The following CPQ variants were observed in gnomAD, a reference collection of about 807,000 sequenced individuals.
CPQ encodes carboxypeptidase Q, also known as Ser-Met dipeptidase.
Under a neutral mutation model 45.7 loss-of-function variants are expected in CPQ, and 37 were observed. The observed-to-expected ratio is 0.81, with a 90% CI of 0.62 to 1.07. The LOEUF is 1.07. Ranked by LOEUF, CPQ falls within the 50% of genes least tolerant of loss-of-function variation. The probability of loss-of-function intolerance (pLI) is 0.00; values close to 1 mark genes in which losing one functional copy is unlikely to be tolerated. For synonymous variants in CPQ, 186 were observed against 205.8 expected, an observed-to-expected ratio of 0.90 and a Z score of 0.82; for missense variants, 537 against 572.9, an observed-to-expected ratio of 0.94 and a Z score of 0.64.
chr8:97,110,617 C>T (rs1563583039), intron 7 of CPQ, among the ~76,000 whole-genome samples: 2 of 152,168 alleles, frequency 1.3e-5, no homozygotes, highest in Non-Finnish European at 2.9e-5. Context: ...GGTTGCTCCA[C>T]ATCCATCCCC....
chr8:96,975,238 A>G (rs1258540803), intron 5 of CPQ, among the ~76,000 whole-genome samples: 1 of 152,128 alleles, frequency 6.6e-6, no homozygotes, highest in Non-Finnish European at 1.5e-5. Flanking sequence ...CATAAACTAG[A>G]AAATCTAGAG....
At position 96,759,955 on chromosome 8, in the gene CPQ, G is replaced by T. The variant is rs563050064; in HGVS notation, c.-34-24909G>T. 6.6e-5 allele frequency among the ~76,000 whole-genome samples: 10 copies of T among 152,310 alleles called. No homozygotes were observed. The East Asian group carries it at 1.9e-3, about 29-fold the overall frequency. Reference sequence around the variant, plus strand: ...ACATAGAGGGGAACTGCAATTTAGAGAGGTTACGTAACTTGGTCCAAGTCA... The same window carrying T: ...ACATAGAGGGGAACTGCAATTTAGATAGGTTACGTAACTTGGTCCAAGTCA... On this transcript the variant is annotated intron_variant, in intron 1 of 7. Transcript: ENST00000220763.
chr8:97,036,179 A>G (rs1810002428), intron 6 of CPQ, among the ~76,000 whole-genome samples: 1 of 152,014 alleles, frequency 6.6e-6, no homozygotes, highest in African/African-American at 2.4e-5. Flanking sequence ...GCTCATAACC[A>G]CGGCCGACTC....
At chr8:96,996,455 G>C (rs989009240) in intron 5 of CPQ, among the ~76,000 whole-genome samples, 2 of 151,922 alleles carry the variant, frequency 1.3e-5, no homozygotes, top group African/African-American at 4.8e-5. Flanking sequence ...ATTATTTCAT[G>C]ATTCTCTGCT....
intron 4 of CPQ, among the ~76,000 whole-genome samples, chr8:96,886,864 T>C (rs1812312629): frequency 6.6e-6 from 1 of 152,212 alleles, no homozygotes; most frequent in Non-Finnish European, 1.5e-5. Context: ...TCCTGACATC[T>C]TTTCCCTAAG....
At chr8:96,694,787 A>C (rs1302358034) in intron 1 of CPQ, among the ~76,000 whole-genome samples, 1 of 152,202 alleles carries the variant, frequency 6.6e-6, no homozygotes, top group African/African-American at 2.4e-5. Flanking sequence ...GAGGAAATTT[A>C]TGTGTATAAG....
chr8:96,890,405 G>A (rs893190808), intron 4 of CPQ, among the ~76,000 whole-genome samples: 1 of 152,136 alleles, frequency 6.6e-6, no homozygotes. Flanking sequence ...CACCTCAGTG[G>A]GTCGTAGTTT....
intron 4 of CPQ, among the ~76,000 whole-genome samples, chr8:96,916,019 A>G (rs1376684171): frequency 6.6e-6 from 1 of 152,162 alleles, no homozygotes; most frequent in East Asian, 1.9e-4. Flanking sequence ...AGAATGGAAA[A>G]GAGAGAGATC....
intron 7 of CPQ, among the ~76,000 whole-genome samples, chr8:97,101,935 T>TCTCTCTCC (rs1224048031): frequency 6.9e-6 from 1 of 145,914 alleles, no homozygotes; most frequent in Non-Finnish European, 1.5e-5. Context: ...TCTCTCTCTC[T>TCTCTCTCC]CTCTCTCCCT....
chr8:96,661,172 A>G (rs1815697113), intron 1 of CPQ, among the ~76,000 whole-genome samples: 1 of 152,254 alleles, frequency 6.6e-6, no homozygotes. Flanking sequence ...AACATATCAA[A>G]TGTAAAACAA....
At chr8:96,670,923 C>T (rs955788812) in intron 1 of CPQ, among the ~76,000 whole-genome samples, 10 of 151,466 alleles carry the variant, frequency 6.6e-5, no homozygotes, top group Non-Finnish European at 1.3e-4. Context: ...AAAAGAGCAA[C>T]AGGACGGACG....
Position 97,085,576 on chromosome 8 carries a change from G to T in CPQ, c.1255+19366G>T, listed in dbSNP as rs894891095. Among the ~76,000 whole-genome samples the T allele has an allele frequency of 2.6e-5, 4 of 152,100 alleles. No individual in the cohort carries two copies. In the East Asian group the frequency reaches 7.7e-4, roughly 29 times the overall value. Reference sequence around the variant, plus strand: ...CTAGTCTTAACACCTCAGATATTTGGCAATACCCAGAATATTGACCATTTT... The same window carrying T: ...CTAGTCTTAACACCTCAGATATTTGTCAATACCCAGAATATTGACCATTTT... On this transcript the variant is annotated intron_variant, in intron 7 of 7. Transcript: ENST00000220763.
intron 1 of CPQ, among the ~76,000 whole-genome samples, chr8:96,672,741 T>C (rs1809021473): frequency 6.6e-6 from 1 of 151,996 alleles, no homozygotes; most frequent in South Asian, 2.1e-4. Flanking sequence ...TTGCATCACT[T>C]TACTCCAGCC....
intron 6 of CPQ, among the ~76,000 whole-genome samples, chr8:97,046,305 C>T (rs1586513152): frequency 6.6e-6 from 1 of 151,304 alleles, no homozygotes; most frequent in Admixed American, 6.6e-5. Context: ...CGTGTACTCT[C>T]ATCAAATGCT....
At chr8:97,103,420 A>G (rs1055604287) in intron 7 of CPQ, among the ~76,000 whole-genome samples, 2 of 152,192 alleles carry the variant, frequency 1.3e-5, no homozygotes, top group Non-Finnish European at 2.9e-5. Context: ...GTATTTTTTA[A>G]ACTCTAGTGT....
At position 96,949,225 on chromosome 8, in the gene CPQ, C is replaced by T. The variant is rs530600326; in HGVS notation, c.850-16710C>T. ...CTATAGTCCTTTTGTCAGTCTTTTC[C>T]TTTCTTACTGTCCTCGTTTATGTTT... is the stretch of plus-strand genomic sequence containing the variant. On this transcript the variant is annotated intron_variant, in intron 4 of 7. Transcript: ENST00000220763. 6.4e-4 allele frequency among the ~76,000 whole-genome samples: 96 copies of T among 150,156 alleles called. 1 individual carries two copies. The South Asian group carries it at 0.019, about 30-fold the overall frequency.
intron 1 of CPQ, among the ~76,000 whole-genome samples, chr8:96,714,835 C>T (rs141225738): frequency 1.6e-3 from 244 of 151,788 alleles, no homozygotes; most frequent in African/African-American, 5.2e-3. Context: ...CTTGATGATG[C>T]GACTTTAGTA....
At chr8:96,837,264 A>G (rs1011893079) in intron 3 of CPQ, among the ~76,000 whole-genome samples, 1 of 152,228 alleles carries the variant, frequency 6.6e-6, no homozygotes, top group East Asian at 1.9e-4. Flanking sequence ...TGAGTATTCT[A>G]TATTCCTACC....
At chr8:97,050,590 C>A (rs922445472) in intron 6 of CPQ, among the ~76,000 whole-genome samples, 2 of 152,116 alleles carry the variant, frequency 1.3e-5, no homozygotes, top group Non-Finnish European at 2.9e-5. Context: ...ACAAGCCAGA[C>A]GTGGTGGTGC....
Sources: gnomAD v4.1 joint callset for allele counts (sites outside exome capture counted in the v4.1 genomes callset) on GRCh38, gnomAD v4.1.1 for gene constraint, MANE v1.5 for transcripts, NCBI Gene and HGNC (gene_info 2026-07-23, HGNC 2026-07-21) for gene names.